The following TBXAS1 variants were observed in gnomAD, a reference collection of about 807,000 sequenced individuals.
TBXAS1 encodes thromboxane-A synthase.
A neutral mutation model predicts 60.7 loss-of-function variants in TBXAS1; 48 were observed. The ratio of observed to expected loss-of-function variants is 0.79; its 90% CI spans 0.63 to 1.01. The LOEUF (loss-of-function observed/expected upper bound fraction) is 1.01, where lower values mean the gene tolerates loss of function less well. Among genes scored for constraint, TBXAS1 ranks in the 50% least tolerant of loss-of-function variants. TBXAS1 has a pLI of 0.00. For synonymous variants in TBXAS1, 287 were observed against 269.7 expected, an observed-to-expected ratio of 1.06 and a Z score of -0.63; for missense variants, 685 against 686.3, an observed-to-expected ratio of 1.00 and a Z score of 0.02.
At chr7:139,982,964 C>T (rs1220744175) in intron 9 of TBXAS1, among the ~76,000 whole-genome samples, 2 of 152,164 alleles carry the variant, frequency 1.3e-5, no homozygotes, top group African/African-American at 2.4e-5. Flanking sequence ...TTTCTAGTAT[C>T]CATTTTCCTG....
chr7:139,990,558 T>C (rs771557659), intron 9 of TBXAS1, among the ~76,000 whole-genome samples: 4 of 152,118 alleles, frequency 2.6e-5, no homozygotes, highest in Admixed American at 1.3e-4. Flanking sequence ...TCATCTCTGC[T>C]GGGCAGTCAT....
chr7:139,904,883 T>C (rs1432645132), intron 3 of TBXAS1, among the ~76,000 whole-genome samples: 2 of 152,126 alleles, frequency 1.3e-5, no homozygotes, highest in African/African-American at 2.4e-5. Context: ...AACGATTGTA[T>C]TGTCAGCAGT....
intron 3 of TBXAS1, among the ~76,000 whole-genome samples, chr7:139,885,776 TC>T (rs1803044669): frequency 6.6e-6 from 1 of 152,350 alleles, no homozygotes; most frequent in South Asian, 2.1e-4. Flanking sequence ...TTCTTAGAAA[TC>T]CTTGCTTGAT....
At chr7:139,845,721 G>T (rs79671336) in intron 1 of TBXAS1, among the ~76,000 whole-genome samples, 4 of 152,004 alleles carry the variant, frequency 2.6e-5, no homozygotes, top group Non-Finnish European at 4.4e-5. Context: ...GCCGCTATGG[G>T]TATCATCATA....
intron 1 of TBXAS1, among the ~76,000 whole-genome samples, chr7:139,854,645 A>G (rs1278655105): frequency 6.6e-6 from 1 of 152,198 alleles, no homozygotes; most frequent in Admixed American, 6.5e-5. Context: ...CACTCAAGAC[A>G]TGTGTTGAAG....
chr7:139,945,318 C>T (rs771609025), intron 5 of TBXAS1, among the ~76,000 whole-genome samples: 1 of 152,216 alleles, frequency 6.6e-6, no homozygotes, highest in Non-Finnish European at 1.5e-5. Context: ...TGCGATCAGC[C>T]CTTCATTTAG....
At chr7:139,883,594 A>G (rs1802860058) in intron 3 of TBXAS1, among the ~76,000 whole-genome samples, 2 of 152,168 alleles carry the variant, frequency 1.3e-5, no homozygotes, top group Non-Finnish European at 2.9e-5. Flanking sequence ...TACAGTAGAA[A>G]TCTGCAGTTA....
intron 4 of TBXAS1, chr7:139,913,230 A>G (rs1004047492): frequency 1.5e-6 from 1 of 681,896 alleles, no homozygotes; most frequent in Non-Finnish European, 2.7e-6. Flanking sequence ...CAAACACTGC[A>G]TTGCTATCTC....
In TBXAS1 at chr7:139,836,236, T is replaced by C. The variant is rs188402371; in HGVS notation, c.89+6757T>C. 3.3e-4 allele frequency among the ~76,000 whole-genome samples: 51 copies of C among 152,254 alleles called. No individual in the cohort carries two copies. The East Asian group carries it at 9.4e-3, about 28-fold the overall frequency. On this transcript the variant is annotated intron_variant, in intron 1 of 12. Coordinates refer to ENST00000448866, the MANE Select transcript of TBXAS1 (RefSeq NM_001061.7). Reference sequence around the variant, plus strand: ...AGAATCAGTATTGTGAAAATGATCATACTGCCAAAAGCAATCTACAAATTC... The same window carrying C: ...AGAATCAGTATTGTGAAAATGATCACACTGCCAAAAGCAATCTACAAATTC...
intron 9 of TBXAS1, among the ~76,000 whole-genome samples, chr7:139,985,126 C>T (rs1457115244): frequency 6.6e-6 from 1 of 152,232 alleles, no homozygotes; most frequent in Non-Finnish European, 1.5e-5. Flanking sequence ...CAGGACTTTC[C>T]ACGAGGCTAG....
At chr7:139,926,276 T>C (rs1569514420) in intron 4 of TBXAS1, among the ~76,000 whole-genome samples, 1 of 152,212 alleles carries the variant, frequency 6.6e-6, no homozygotes, top group Non-Finnish European at 1.5e-5. Flanking sequence ...AGCCATGGTG[T>C]CCTGGGCTTT....
intron 9 of TBXAS1, among the ~76,000 whole-genome samples, chr7:139,967,105 T>C (rs1230372616): frequency 6.6e-6 from 1 of 152,226 alleles, no homozygotes; most frequent in African/African-American, 2.4e-5. Flanking sequence ...GGCTGCTTGA[T>C]GGGGAATCTT....
intron 1 of TBXAS1, among the ~76,000 whole-genome samples, chr7:139,857,890 C>T (rs1324549324): frequency 6.6e-6 from 1 of 152,016 alleles, no homozygotes; most frequent in Non-Finnish European, 1.5e-5. Flanking sequence ...ACCACCACAC[C>T]TGGCAATTTT....
intron 1 of TBXAS1, among the ~76,000 whole-genome samples, chr7:139,833,971 T>C (rs1798895196): frequency 1.3e-5 from 2 of 152,216 alleles, no homozygotes; most frequent in Admixed American, 6.5e-5. Context: ...CTAACAGATA[T>C]ATACAGAACA....
chr7:140,000,239 C>A (rs1431440769), intron 9 of TBXAS1, among the ~76,000 whole-genome samples: 1 of 152,172 alleles, frequency 6.6e-6, no homozygotes, highest in African/African-American at 2.4e-5. Flanking sequence ...GTGGCTCATG[C>A]CTGTGATCCC....
chr7:139,980,575 G>A (rs1811889199), intron 9 of TBXAS1, among the ~76,000 whole-genome samples: 1 of 152,006 alleles, frequency 6.6e-6, no homozygotes, highest in South Asian at 2.1e-4. Context: ...CAGAAAGTTA[G>A]GAGTCGGCAA....
chr7:139,853,548 T>C (rs932238694), intron 1 of TBXAS1, among the ~76,000 whole-genome samples: 3 of 152,126 alleles, frequency 2.0e-5, no homozygotes, highest in African/African-American at 7.2e-5. Flanking sequence ...AATGAGCTCA[T>C]GTGTGGGAAG....
chr7:139,892,830 G>A, intron 3 of TBXAS1, among the ~76,000 whole-genome samples: 1 of 151,930 alleles, frequency 6.6e-6, no homozygotes, highest in Non-Finnish European at 1.5e-5. Flanking sequence ...ACCAGCTCGG[G>A]GTGAGCTTCT....
At chr7:139,988,161 T>C (rs1313134910) in intron 9 of TBXAS1, among the ~76,000 whole-genome samples, 1 of 152,250 alleles carries the variant, frequency 6.6e-6, no homozygotes, top group Non-Finnish European at 1.5e-5. Context: ...GCTTGCTTAC[T>C]ACATTTGAAT....
Sources: allele counts gnomAD v4.1 joint callset (sites outside exome capture counted in the v4.1 genomes callset), GRCh38; gene constraint gnomAD v4.1.1; transcripts MANE v1.5; gene names NCBI Gene and HGNC (gene_info 2026-07-23, HGNC 2026-07-21).